SLC29A4: variants seen among roughly 807,000 people sequenced by gnomAD.
SLC29A4 encodes equilibrative nucleoside transporter 4.
SLC29A4 carries 36 observed loss-of-function variants against 43.9 expected under a neutral mutation model. The observed-to-expected ratio is 0.82, with a 90% CI of 0.63 to 1.08. The LOEUF (loss-of-function observed/expected upper bound fraction) is 1.08. SLC29A4 is among the 50% of genes least tolerant of loss of function. The pLI is 0.00. For synonymous variants in SLC29A4, 491 were observed against 338.0 expected, an observed-to-expected ratio of 1.45 and a Z score of -4.97; for missense variants, 869 against 755.3, an observed-to-expected ratio of 1.15 and a Z score of -1.77.
chr7:5,283,410 C>T (rs1202577811), intron 1 of SLC29A4, among the ~76,000 whole-genome samples: 3 of 151,966 alleles, frequency 2.0e-5, no homozygotes, highest in African/African-American at 7.2e-5. Context: ...GCTCCCCTGC[C>T]CCCGCCGGCC....
Position 5,297,009 on chromosome 7 carries a change from G to C in SLC29A4, c.693G>C (p.Thr231=). ...KLLLPDERAS[T]LIFFLVSVAL... ...TGCTGCCCGACGAGCGCGCCAGCAC[G>C]CTCATCTTCTTCCTGGTGTCGGTGG... Residue 231 remains threonine (T), a synonymous_variant, in exon 7 of 11, where the codon ACG becomes ACC. Coordinates refer to ENST00000396872, the MANE Select transcript of SLC29A4 (RefSeq NM_153247.4). 6.2e-7 allele frequency: 1 copy of C among 1,605,258 alleles called. No individual in the cohort carries two copies. The highest frequency in any genetic ancestry group is 8.5e-7 in the Non-Finnish European group (1 of 1,179,618).
At chr7:5,294,093 G>C (rs536284683) in intron 5 of SLC29A4, among the ~76,000 whole-genome samples, 2 of 149,376 alleles carry the variant, frequency 1.3e-5, no homozygotes, top group African/African-American at 4.9e-5. Context: ...ACGACAGTGC[G>C]AGGCTCTATC....
In SLC29A4 at chr7:5,299,138, GA is replaced by G; in HGVS notation, c.1021+13del. Reference sequence around the variant, plus strand: ...GCCCACCTTCAGAGGTGAGTGCGGGGAGTCCTCTGCTGCCCTGGCTCTGGCA... The same window carrying G: ...GCCCACCTTCAGAGGTGAGTGCGGGGGTCCTCTGCTGCCCTGGCTCTGGCA... On this transcript the variant is annotated intron_variant, in intron 8 of 10. Coordinates refer to ENST00000396872, the MANE Select transcript of SLC29A4 (RefSeq NM_153247.4). The G allele has an allele frequency of 1.2e-6, 2 of 1,606,692 alleles. No individual in the cohort carries two copies. The highest frequency in any genetic ancestry group is 8.5e-7 in the Non-Finnish European group (1 of 1,176,196).
In SLC29A4 at chr7:5,304,421, CAG is replaced by C. The variant is rs1387948310; in HGVS notation, c.*1485_*1486del. On this transcript the variant is annotated 3_prime_UTR_variant, in exon 11 of 11. Transcript: ENST00000396872. The stretch of plus-strand genomic sequence containing the variant: ...AGGGACTGCACTGCATCCTAGGAGT[CAG>C]AGCCTCCTGGCTTCGAGCCTCATCC... 2 of 152,090 alleles carry C rather than the reference CAG, an allele frequency of 1.3e-5. No individual in the cohort carries two copies. The highest frequency in any genetic ancestry group is 2.9e-5 in the Non-Finnish European group (2 of 68,046). The allele number at this position is 152,090 out of a possible 1,614,324, so 9.4% of individuals were successfully genotyped here.
intron 7 of SLC29A4, 142 bp from the exon 8 acceptor site, chr7:5,298,846 G>A (rs1583675191): frequency 2.4e-6 from 2 of 824,262 alleles, no homozygotes; most frequent in East Asian, 2.7e-5. Context: ...TAAAGTGGAG[G>A]AGGGGTGTCT....
chr7:5,298,851 G>A lies in SLC29A4; in HGVS notation c.883-137G>A, dbSNP rs375160951. Reference sequence around the variant, plus strand: ...GAGACCTTGATAAAGTGGAGGAGGGGTGTCTGCACACAGTAGGTACCACCT... The same window carrying A: ...GAGACCTTGATAAAGTGGAGGAGGGATGTCTGCACACAGTAGGTACCACCT... On this transcript the variant is annotated intron_variant, in intron 7 of 10. Transcript: ENST00000396872. 6 of 861,136 alleles carry A rather than the reference G, an allele frequency of 7.0e-6. No homozygotes were observed. In the East Asian group the frequency reaches 1.3e-4, roughly 19 times the overall value. 53.3% of individuals were successfully genotyped at this position (861,136 alleles called of 1,614,324 possible).
rs945043433 is a variant in SLC29A4, at chr7:5,303,205, T to G, written c.*266T>G. 2.0e-5 allele frequency: 11 copies of G among 549,680 alleles called. No individual in the cohort carries two copies. Among genetic ancestry groups the G allele is most frequent in the Non-Finnish European group, 3.2e-5 (10 of 308,420 alleles). 34.1% of individuals were successfully genotyped at this position (549,680 alleles called of 1,614,324 possible). A position where few individuals can be genotyped will look rare whatever the true frequency, so the allele number is the denominator to read the frequency against. ...GTCTCATACCTGCGTCTACCTTCCATCTGTGTCCAGCGGCCCCGGCTCCAG... is the reference window on the plus strand; with the variant it reads ...GTCTCATACCTGCGTCTACCTTCCAGCTGTGTCCAGCGGCCCCGGCTCCAG... On this transcript the variant is annotated 3_prime_UTR_variant, in exon 11 of 11. Transcript: ENST00000396872.
chr7:5,294,139 C>G (rs1190587301), intron 5 of SLC29A4, among the ~76,000 whole-genome samples: 1 of 151,988 alleles, frequency 6.6e-6, no homozygotes, highest in Non-Finnish European at 1.5e-5. Flanking sequence ...CAAGATCTCA[C>G]TTTGTAGTCC....
At chr7:5,288,791 A>G (rs1785123043) in intron 2 of SLC29A4, among the ~76,000 whole-genome samples, 1 of 152,096 alleles carries the variant, frequency 6.6e-6, no homozygotes, top group Non-Finnish European at 1.5e-5. Context: ...TAGTTTCACC[A>G]CATTGAAGAA....
intron 2 of SLC29A4, among the ~76,000 whole-genome samples, chr7:5,290,117 G>C (rs1187745211): frequency 2.7e-5 from 4 of 149,176 alleles, no homozygotes; most frequent in South Asian, 2.1e-4. Context: ...GCAGTGGCGC[G>C]ATCTCGGCTC....
chr7:5,284,192 T>G (rs1784827487), intron 1 of SLC29A4, among the ~76,000 whole-genome samples: 1 of 152,136 alleles, frequency 6.6e-6, no homozygotes, highest in Non-Finnish European at 1.5e-5. Flanking sequence ...AAGGCCAGCT[T>G]GGGCAACAGA....
intron 2 of SLC29A4, 119 bp from the exon 3 acceptor site, chr7:5,290,613 G>C (rs775993106): frequency 7.5e-7 from 1 of 1,329,324 alleles, no homozygotes; most frequent in African/African-American, 1.5e-5. Context: ...GGGGAGCAGG[G>C]GTCACGGTGA....
chr7:5,300,766 G>T, intron 10 of SLC29A4, 104 bp downstream of exon 10: 2 of 1,456,320 alleles, frequency 1.4e-6, no homozygotes, highest in Non-Finnish European at 1.8e-6. Context: ...TTTGGGTTCC[G>T]GGGGTTCAGA....
intron 7 of SLC29A4, 43 bp from the exon 8 acceptor site, chr7:5,298,945 C>T (rs1254867477): frequency 6.3e-7 from 1 of 1,587,090 alleles, no homozygotes; most frequent in African/African-American, 1.3e-5. Context: ...GTCTCCTGTC[C>T]TCCCTTCCAC....
At chr7:5,298,088 G>T (rs1371158131) in intron 7 of SLC29A4, among the ~76,000 whole-genome samples, 1 of 152,186 alleles carries the variant, frequency 6.6e-6, no homozygotes, top group African/African-American at 2.4e-5. Flanking sequence ...GGAGCCATTG[G>T]TCCTCGTTCC....
chr7:5,296,789 A>T (rs1384159269), intron 6 of SLC29A4, 147 bp from the exon 7 acceptor site: 1 of 811,970 alleles, frequency 1.2e-6, no homozygotes, highest in Non-Finnish European at 1.7e-6. Context: ...CCTGTGGTGG[A>T]GGGCGGGGCC....
intron 2 of SLC29A4, 56 bp downstream of exon 2, chr7:5,288,041 T>C: frequency 6.5e-7 from 1 of 1,535,458 alleles, no homozygotes; most frequent in Non-Finnish European, 8.7e-7. Flanking sequence ...CTGGGCTGTG[T>C]GACCCCCAGT....
At position 5,295,890 on chromosome 7, in the gene SLC29A4, C is replaced by T. The variant is rs188651710; in HGVS notation, c.619+956C>T. Among the ~76,000 whole-genome samples the T allele has an allele frequency of 1.9e-3, 292 of 152,172 alleles. 1 individual carries two copies. Among genetic ancestry groups the T allele is most frequent in the African/African-American group, 6.7e-3 (279 of 41,538 alleles). On this transcript the variant is annotated intron_variant, in intron 6 of 10. Coordinates refer to ENST00000396872, the MANE Select transcript of SLC29A4 (RefSeq NM_153247.4). ...TCGCGTGGTTTATGGAGTCAAGGGC[C>T]GCGCAGAAAAGACATGCTCAGAGCC...
Position 5,306,187 on chromosome 7 carries a change from ATTTCTTTTTT to A in SLC29A4, c.*3252_*3261del, listed in dbSNP as rs1786479995. The A allele has an allele frequency of 8.5e-6, 1 of 117,584 alleles. No individual in the cohort carries two copies. The highest frequency in any genetic ancestry group is 3.2e-5 in the African/African-American group (1 of 31,348). The allele number at this position is 117,584 out of a possible 1,614,324, so 7.3% of individuals were successfully genotyped here. On this transcript the variant is annotated 3_prime_UTR_variant, in exon 11 of 11. Coordinates refer to ENST00000396872, the MANE Select transcript of SLC29A4 (RefSeq NM_153247.4). ...ATTTTTTCTCATGTAAATTTGTTCA[ATTTCTTTTTT>A]TTTTTTTTTTTTTTTTTTTGAGACA...
Sources: allele counts gnomAD v4.1 joint callset (sites outside exome capture counted in the v4.1 genomes callset), GRCh38; gene constraint gnomAD v4.1.1; transcripts MANE v1.5; gene names NCBI Gene and HGNC (gene_info 2026-07-23, HGNC 2026-07-21).